ST6GALNAC5: variants seen among roughly 807,000 people sequenced by gnomAD.
ST6GALNAC5 encodes the protein alpha-N-acetylgalactosaminide alpha-2,6-sialyltransferase 5.
In ST6GALNAC5, 27 loss-of-function variants were observed where a neutral mutation model predicts 33.6. The ratio of observed to expected loss-of-function variants is 0.80; its 90% CI spans 0.59 to 1.11. The LOEUF (loss-of-function observed/expected upper bound fraction) is 1.11, where lower values mean the gene tolerates loss of function less well. Ranked by LOEUF, ST6GALNAC5 falls within the 50% of genes least tolerant of loss-of-function variation. The pLI, the probability that ST6GALNAC5 is intolerant of heterozygous loss-of-function variation, is 0.00. For synonymous variants in ST6GALNAC5, 194 were observed against 171.2 expected (o/e 1.13, Z -1.04); for missense variants, 428 against 454.0 (o/e 0.94, Z 0.52).
chr1:76,891,671 G>A (rs181170974), intron 2 of ST6GALNAC5, among the ~76,000 whole-genome samples: 4 of 152,202 alleles, frequency 2.6e-5, no homozygotes, highest in African/African-American at 9.6e-5. Context: ...AGATCATGAA[G>A]AATTATTCCT....
intron 2 of ST6GALNAC5, chr1:76,995,667 T>C (rs1649903936): frequency 6.6e-6 from 1 of 151,830 alleles, no homozygotes; most frequent in Non-Finnish European, 1.5e-5. Context: ...ATTTATATTA[T>C]TAATATGACA....
intron 2 of ST6GALNAC5, among the ~76,000 whole-genome samples, chr1:76,944,769 A>T (rs1330174609): frequency 1.3e-5 from 2 of 151,988 alleles, no homozygotes; most frequent in Non-Finnish European, 2.9e-5. Context: ...CAGCCAAATG[A>T]TACTGTTCTT....
At chr1:76,890,604 A>G (rs1447548062) in intron 2 of ST6GALNAC5, among the ~76,000 whole-genome samples, 3 of 152,008 alleles carry the variant, frequency 2.0e-5, no homozygotes, top group Non-Finnish European at 4.4e-5. Context: ...TGCTTAATAA[A>G]AACAGATTTA....
At chr1:77,058,646 T>C (rs1162088947) in intron 4 of ST6GALNAC5, among the ~76,000 whole-genome samples, 1 of 152,218 alleles carries the variant, frequency 6.6e-6, no homozygotes, top group Non-Finnish European at 1.5e-5. Context: ...TTTTTCTTTA[T>C]AAATTACCCA....
intron 3 of ST6GALNAC5, among the ~76,000 whole-genome samples, chr1:77,047,024 A>G (rs979345612): frequency 1.3e-5 from 2 of 152,218 alleles, no homozygotes; most frequent in Admixed American, 6.5e-5. Flanking sequence ...TTTTCTCACC[A>G]GGTCTTTCTT....
Position 76,993,549 on chromosome 1 carries a change from A to C in ST6GALNAC5, c.262-50655A>C, listed in dbSNP as rs191713699. Among the ~76,000 whole-genome samples, 480 of 152,310 alleles carry C rather than the reference A, an allele frequency of 3.2e-3. 2 individuals carry two copies. The highest frequency in any genetic ancestry group is 0.01 in the African/African-American group (436 of 41,578). On this transcript the variant is annotated intron_variant, in intron 2 of 4. Coordinates refer to ENST00000477717, the MANE Select transcript of ST6GALNAC5 (RefSeq NM_030965.3). The stretch of plus-strand genomic sequence containing the variant: ...CTATTCTTTGGTCACATGGGGGTTT[A>C]ATTCCTATTTATACTTTTCTTGTAT...
intron 2 of ST6GALNAC5, among the ~76,000 whole-genome samples, chr1:76,980,131 T>C (rs115541804): frequency 0.024 from 3,582 of 152,238 alleles, 55 homozygotes; most frequent in Middle Eastern, 0.037. Flanking sequence ...ATGAAATTAA[T>C]GATTTATTAA....
intron 2 of ST6GALNAC5, among the ~76,000 whole-genome samples, chr1:76,898,734 AG>A (rs758322016): frequency 5.9e-5 from 9 of 152,142 alleles, no homozygotes. Flanking sequence ...CAGGTTGGGG[AG>A]GGCTAGTCAC....
chr1:76,891,350 A>C (rs1654009020), intron 2 of ST6GALNAC5, among the ~76,000 whole-genome samples: 1 of 152,194 alleles, frequency 6.6e-6, no homozygotes, highest in African/African-American at 2.4e-5. Context: ...ATGAAGCATG[A>C]TGTTAAACAT....
chr1:76,998,058 C>T (rs919252351), intron 2 of ST6GALNAC5, among the ~76,000 whole-genome samples: 1 of 152,146 alleles, frequency 6.6e-6, no homozygotes, highest in Non-Finnish European at 1.5e-5. Context: ...GTGCTTTCTG[C>T]CATGATTGTC....
At chr1:77,054,190 G>T (rs1652316955) in intron 4 of ST6GALNAC5, among the ~76,000 whole-genome samples, 1 of 152,144 alleles carries the variant, frequency 6.6e-6, no homozygotes. Context: ...GGTACAGAAG[G>T]TTACTCGAGG....
chr1:76,989,782 T>A (rs1649652187), intron 2 of ST6GALNAC5, among the ~76,000 whole-genome samples: 1 of 152,106 alleles, frequency 6.6e-6, no homozygotes, highest in African/African-American at 2.4e-5. Flanking sequence ...TTTATGAAAT[T>A]CATTATAGTC....
chr1:76,898,094 T>C (rs983976395), intron 2 of ST6GALNAC5, among the ~76,000 whole-genome samples: 2 of 152,168 alleles, frequency 1.3e-5, no homozygotes, highest in Non-Finnish European at 2.9e-5. Context: ...GGGCCAGAGT[T>C]CCAGGGGCTC....
At chr1:76,999,453 G>A (rs966590193) in intron 2 of ST6GALNAC5, among the ~76,000 whole-genome samples, 3 of 150,772 alleles carry the variant, frequency 2.0e-5, no homozygotes, top group South Asian at 4.2e-4. Context: ...GTTGATCTAG[G>A]TTCTGGTCCA....
At chr1:77,032,667 T>C (rs1651501770) in intron 2 of ST6GALNAC5, among the ~76,000 whole-genome samples, 1 of 152,148 alleles carries the variant, frequency 6.6e-6, no homozygotes, top group Non-Finnish European at 1.5e-5. Context: ...TACCAATAGA[T>C]GACTGAACTG....
chr1:76,945,062 A>G (rs1299550749), intron 2 of ST6GALNAC5, among the ~76,000 whole-genome samples: 1 of 152,084 alleles, frequency 6.6e-6, no homozygotes, highest in Non-Finnish European at 1.5e-5. Context: ...TGCTAGAGTC[A>G]GTGGGTAAAA....
chr1:77,020,348 C>T (rs955747738), intron 2 of ST6GALNAC5, among the ~76,000 whole-genome samples: 4 of 152,074 alleles, frequency 2.6e-5, no homozygotes, highest in Admixed American at 6.6e-5. Flanking sequence ...GCATTTGGGG[C>T]GTAGGGAGAA....
chr1:76,872,040 G>C (rs967564906), intron 2 of ST6GALNAC5, among the ~76,000 whole-genome samples: 3 of 146,904 alleles, frequency 2.0e-5, no homozygotes, highest in Non-Finnish European at 4.5e-5. Flanking sequence ...TCTGCATTTA[G>C]AACTGTAGCC....
chr1:76,908,412 G>T (rs978720327), intron 2 of ST6GALNAC5, among the ~76,000 whole-genome samples: 2 of 152,072 alleles, frequency 1.3e-5, no homozygotes, highest in African/African-American at 4.8e-5. Flanking sequence ...CGAGGACTCT[G>T]CCATTACAAC....
Sources: gnomAD v4.1 joint callset for allele counts (sites outside exome capture counted in the v4.1 genomes callset) on GRCh38, gnomAD v4.1.1 for gene constraint, MANE v1.5 for transcripts, NCBI Gene and HGNC (gene_info 2026-07-23, HGNC 2026-07-21) for gene names.